Variants in P2RX7 observed in about 807,000 individuals in gnomAD.
P2RX7 encodes the protein purinergic receptor P2X 7.
Under a neutral mutation model 71.6 loss-of-function variants are expected in P2RX7, and 62 were observed. The ratio of observed to expected loss-of-function variants is 0.87; its 90% CI spans 0.71 to 1.07. P2RX7 has a LOEUF of 1.07. Among genes scored for constraint, P2RX7 ranks in the 50% least tolerant of loss-of-function variants. The pLI is 0.00. For missense variants in P2RX7, 686 were observed against 748.5 expected (o/e 0.92, Z 0.97); for synonymous variants, 299 against 283.3 (o/e 1.06, Z -0.56).
Position 121,177,326 on chromosome 12 carries a change from CACTT to C in P2RX7, c.1072_1075del (p.Tyr358ProfsTer40), listed in dbSNP as rs1883321723. 5 of 1,614,062 alleles carry C rather than the reference CACTT, an allele frequency of 3.1e-6. No homozygotes were observed. Among genetic ancestry groups the C allele is most frequent in the Non-Finnish European group, 4.2e-6 (5 of 1,180,016 alleles). ...CTGTGTTCATCGACTTCCTCATCGA[CACTT>C]ACTCCAGTAACTGCTGTCGCTCCCA... On this transcript the variant is annotated frameshift_variant, in exon 11 of 13. Coordinates refer to ENST00000328963, the MANE Select transcript of P2RX7 (RefSeq NM_002562.6). LOFTEE classifies it high-confidence loss of function.
At chr12:121,133,766 T>C (rs1012477666) in intron 1 of P2RX7, among the ~76,000 whole-genome samples, 1 of 152,252 alleles carries the variant, frequency 6.6e-6, no homozygotes, top group Admixed American at 6.5e-5. Context: ...ATTTCCTTTC[T>C]GCCTCTATGG....
Position 121,160,920 on chromosome 12 carries a change from C to T in P2RX7, c.382C>T (p.Leu128Phe). Reference protein sequence around the residue: ...LCPEYPTRRTLCSSDRGCKKG... With the variant: ...LCPEYPTRRTFCSSDRGCKKG... The stretch of plus-strand genomic sequence containing the variant: ...TCTGCAGTATCCCACCCGCAGGACG[C>T]TCTGTTCCTCTGACCGAGGTTGTAA... The change falls in exon 4 of 13, where the codon CTC (leucine) becomes TTC (phenylalanine). Residue 128 changes from leucine to phenylalanine, a missense_variant. Physicochemically the swap from Leu to Phe is conservative, Grantham distance 22. Transcript: ENST00000328963. The T allele has an allele frequency of 6.2e-7, 1 of 1,613,984 alleles. No homozygotes were observed. The highest frequency in any genetic ancestry group is 8.5e-7 in the Non-Finnish European group (1 of 1,179,810).
At chr12:121,181,669 A>C (rs962813093) in intron 12 of P2RX7, among the ~76,000 whole-genome samples, 6 of 152,072 alleles carry the variant, frequency 3.9e-5, no homozygotes, top group African/African-American at 1.4e-4. Context: ...CAGCCTGACC[A>C]ACATGGAGAA....
chr12:121,140,712 C>T (rs1248756840), intron 1 of P2RX7, among the ~76,000 whole-genome samples: 1 of 152,060 alleles, frequency 6.6e-6, no homozygotes, highest in Non-Finnish European at 1.5e-5. Flanking sequence ...TGGAGACTGC[C>T]GTGAGCTGTG....
At chr12:121,134,813 G>T (rs993165793) in intron 1 of P2RX7, among the ~76,000 whole-genome samples, 2 of 152,112 alleles carry the variant, frequency 1.3e-5, no homozygotes, top group African/African-American at 4.8e-5. Context: ...TGATAATGAT[G>T]ATGAAGGCAA....
In P2RX7 at chr12:121,167,858, G is replaced by T. The variant is rs561719739; in HGVS notation, c.881+234G>T. Among the ~76,000 whole-genome samples, 4 of 151,132 alleles carry T rather than the reference G, an allele frequency of 2.6e-5. No individual in the cohort carries two copies. The South Asian group carries it at 8.4e-4, about 32-fold the overall frequency. ...AATGGAGTCTCACTCTGTCACCCAG[G>T]CTGAAGTGCAGTGGCGCCATCTCAG... On this transcript the variant is annotated intron_variant, in intron 8 of 12. Transcript: ENST00000328963.
At position 121,160,116 on chromosome 12, in the gene P2RX7, C is replaced by CTT. The variant is rs572504150; in HGVS notation, c.364-784_364-783dup. On this transcript the variant is annotated intron_variant, in intron 3 of 12. Coordinates refer to ENST00000328963, the MANE Select transcript of P2RX7 (RefSeq NM_002562.6). ...TTCTTTCTTTCTTTTTTTTTCCTTT[C>CTT]TTTCTTTCTTTTTCTTTCTTTCTTC... Among the ~76,000 whole-genome samples, 312 of 149,996 alleles carry CTT rather than the reference C, an allele frequency of 2.1e-3. 1 individual carries two copies. Among genetic ancestry groups the CTT allele is most frequent in the African/African-American group, 7.2e-3 (292 of 40,672 alleles).
chr12:121,159,885 T>C (rs1311692570), intron 3 of P2RX7, among the ~76,000 whole-genome samples: 2 of 152,172 alleles, frequency 1.3e-5, no homozygotes, highest in Non-Finnish European at 2.9e-5. Flanking sequence ...CCAAGCCACC[T>C]GTCCCCCATC....
intron 8 of P2RX7, among the ~76,000 whole-genome samples, chr12:121,172,229 C>T (rs1252554233): frequency 6.6e-6 from 1 of 152,178 alleles, no homozygotes; most frequent in African/African-American, 2.4e-5. Flanking sequence ...CAGAAATTCA[C>T]GTGCTTACTA....
intron 7 of P2RX7, 72 bp from the exon 8 acceptor site, chr12:121,167,416 G>A (rs1940266705): frequency 8.3e-6 from 13 of 1,569,532 alleles, no homozygotes; most frequent in Non-Finnish European, 6.1e-6. Flanking sequence ...TCCTGGCTAT[G>A]CAGGGAGATG....
intron 8 of P2RX7, among the ~76,000 whole-genome samples, chr12:121,171,456 C>T (rs1882172391): frequency 6.6e-6 from 1 of 151,104 alleles, no homozygotes; most frequent in African/African-American, 2.4e-5. Flanking sequence ...CCTCTGCCTC[C>T]CGGGCTCAAG....
intron 1 of P2RX7, among the ~76,000 whole-genome samples, chr12:121,133,355 G>A (rs561571598): frequency 7.9e-5 from 12 of 152,348 alleles, no homozygotes; most frequent in African/African-American, 2.9e-4. Flanking sequence ...AGGGCAGGGC[G>A]TGCCTGGGGA....
chr12:121,143,845 C>T (rs1031234920), intron 1 of P2RX7, among the ~76,000 whole-genome samples: 25 of 151,944 alleles, frequency 1.6e-4, no homozygotes, highest in Admixed American at 5.2e-4. Context: ...AGTGAGACTC[C>T]GTCTCAAAAA....
Position 121,168,489 on chromosome 12 carries a change from G to A in P2RX7, c.881+865G>A, listed in dbSNP as rs571579023. Among the ~76,000 whole-genome samples, 41 of 152,090 alleles carry A rather than the reference G, an allele frequency of 2.7e-4. 1 individual carries two copies. Among genetic ancestry groups the A allele is most frequent in the African/African-American group, 9.4e-4 (39 of 41,508 alleles). ...TCACTGTGTTGGCCAGTCTGGTCTC[G>A]AACTCTTGACCTCAAGTGATCTTCC... On this transcript the variant is annotated intron_variant, in intron 8 of 12. Coordinates refer to ENST00000328963, the MANE Select transcript of P2RX7 (RefSeq NM_002562.6).
chr12:121,144,803 T>C (rs544390190), intron 1 of P2RX7, among the ~76,000 whole-genome samples: 2 of 152,168 alleles, frequency 1.3e-5, no homozygotes, highest in South Asian at 4.2e-4. Flanking sequence ...ACAGTAGGAT[T>C]TGGCAACTGA....
chr12:121,161,636 A>G (rs1229244573), intron 4 of P2RX7, among the ~76,000 whole-genome samples: 22 of 152,146 alleles, frequency 1.4e-4, no homozygotes, highest in South Asian at 4.1e-4. Flanking sequence ...TACTAAAAAT[A>G]CAAAAATCAG....
chr12:121,138,862 G>A (rs1044727264), intron 1 of P2RX7, among the ~76,000 whole-genome samples: 3 of 152,168 alleles, frequency 2.0e-5, no homozygotes, highest in African/African-American at 7.2e-5. Context: ...GCTCACCTTG[G>A]TACTTTACTA....
rs185266542 is a variant in P2RX7 at position 121,157,544 on chromosome 12, C to G, written c.363+1397C>G. Among the ~76,000 whole-genome samples the G allele has an allele frequency of 4.5e-3, 692 of 152,294 alleles. 4 individuals are homozygous for G. Among genetic ancestry groups the G allele is most frequent in the Middle Eastern group, 0.014 (4 of 292 alleles). ...TTCTGTCTCCCTTCCCAGCAGTGTT[C>G]CGTCTCCAATCCAGTTTGGGGGCCT... is the stretch of plus-strand genomic sequence containing the variant. On this transcript the variant is annotated intron_variant, in intron 3 of 12. Coordinates refer to ENST00000328963, the MANE Select transcript of P2RX7 (RefSeq NM_002562.6).
At position 121,184,356 on chromosome 12, in the gene P2RX7, G is replaced by T; in HGVS notation, c.1342G>T (p.Asp448Tyr). The change falls in exon 13 of 13, where the codon GAC becomes TAC. Residue 448 changes from aspartate to tyrosine, a missense_variant. By Grantham distance (160) the Asp-to-Tyr change is radical. Transcript: ENST00000328963. ...GTCCAGGCTGCCCCTGGCCCTCCATGACACACCCCCGATTCCTGGACAACC... is the reference window on the plus strand; with the variant it reads ...GTCCAGGCTGCCCCTGGCCCTCCATTACACACCCCCGATTCCTGGACAACC... The part of the protein sequence containing the change: ...DLSRLPLALH[D>Y]TPPIPGQPEE... The T allele has an allele frequency of 6.2e-7, 1 of 1,614,044 alleles. No homozygotes were observed. The highest frequency in any genetic ancestry group is 1.1e-5 in the South Asian group (1 of 91,082).
Sources: gnomAD v4.1 joint callset for allele counts (sites outside exome capture counted in the v4.1 genomes callset) on GRCh38, gnomAD v4.1.1 for gene constraint, MANE v1.5 for transcripts, NCBI Gene and HGNC (gene_info 2026-07-23, HGNC 2026-07-21) for gene names.